The following EXOC4 variants were observed in gnomAD, a reference collection of about 807,000 sequenced individuals.
EXOC4 encodes SEC8-like 1.
A neutral mutation model predicts 107.2 loss-of-function variants in EXOC4; 71 were observed. The observed-to-expected ratio is 0.66, with a 90% CI of 0.55 to 0.81. EXOC4 has a LOEUF of 0.81. Among genes scored for constraint, EXOC4 ranks in the 30% least tolerant of loss-of-function variants. The probability of loss-of-function intolerance (pLI) is 0.00; values close to 1 mark genes in which losing one functional copy is unlikely to be tolerated. For synonymous variants in EXOC4, 456 were observed against 441.2 expected (o/e 1.03, Z -0.42); for missense variants, 1,108 against 1,189.6 (o/e 0.93, Z 1.01).
At chr7:133,944,835 G>T (rs764771113) in intron 14 of EXOC4, among the ~76,000 whole-genome samples, 3 of 151,922 alleles carry the variant, frequency 2.0e-5, no homozygotes, top group Non-Finnish European at 4.4e-5. Context: ...AGCTACTTTT[G>T]GGTTGCTACA....
chr7:133,331,349 T>A (rs1810742390), intron 5 of EXOC4, among the ~76,000 whole-genome samples: 1 of 151,890 alleles, frequency 6.6e-6, no homozygotes, highest in Non-Finnish European at 1.5e-5. Context: ...AACAAGCTAA[T>A]AGAGTAATAG....
intron 14 of EXOC4, among the ~76,000 whole-genome samples, chr7:133,963,126 ACTTCACCAGGTAGC>A (rs1330612445): frequency 6.6e-6 from 1 of 152,248 alleles, no homozygotes; most frequent in Non-Finnish European, 1.5e-5. Context: ...CTGTCCCCGC[ACTTCACCAGGTAGC>A]CCTTGCTAAT....
intron 7 of EXOC4, among the ~76,000 whole-genome samples, chr7:133,382,537 CTTG>C (rs935141283): frequency 5.9e-5 from 9 of 152,070 alleles, no homozygotes; most frequent in African/African-American, 1.2e-4. Flanking sequence ...TTTTCATGTA[CTTG>C]TTGGAGGAGT....
chr7:133,373,554 T>C (rs1446738957), intron 6 of EXOC4, among the ~76,000 whole-genome samples: 1 of 152,176 alleles, frequency 6.6e-6, no homozygotes, highest in Non-Finnish European at 1.5e-5. Flanking sequence ...AAAGAAGCCA[T>C]AGGAATAGAT....
At chr7:133,763,208 G>A (rs1333459387) in intron 10 of EXOC4, among the ~76,000 whole-genome samples, 1 of 152,038 alleles carries the variant, frequency 6.6e-6, no homozygotes, top group Non-Finnish European at 1.5e-5. Flanking sequence ...ACTCCCCCCT[G>A]CCACAGCCTC....
chr7:133,934,868 G>A (rs1800262220), intron 13 of EXOC4, among the ~76,000 whole-genome samples: 1 of 151,582 alleles, frequency 6.6e-6, no homozygotes, highest in African/African-American at 2.4e-5. Flanking sequence ...TCACGGAGGA[G>A]ACATTGTTTT....
chr7:133,401,174 C>CTTT (rs34379831), intron 7 of EXOC4, among the ~76,000 whole-genome samples: 6 of 143,160 alleles, frequency 4.2e-5, no homozygotes, highest in Non-Finnish European at 6.1e-5. Flanking sequence ...CCAGAGCCCA[C>CTTT]TTTTTTTTTT....
intron 10 of EXOC4, among the ~76,000 whole-genome samples, chr7:133,724,702 G>A (rs1795180216): frequency 6.6e-6 from 1 of 152,210 alleles, no homozygotes; most frequent in Non-Finnish European, 1.5e-5. Context: ...TTAAGAAAGG[G>A]ATCTCTGAAG....
At chr7:133,844,595 G>C (rs992592917) in intron 11 of EXOC4, among the ~76,000 whole-genome samples, 3 of 151,608 alleles carry the variant, frequency 2.0e-5, no homozygotes, top group Non-Finnish European at 4.4e-5. Flanking sequence ...TCACCGTGTT[G>C]GCCAGGATGG....
chr7:133,526,709 C>T (rs772440484), intron 9 of EXOC4, among the ~76,000 whole-genome samples: 3 of 152,204 alleles, frequency 2.0e-5, no homozygotes, highest in Non-Finnish European at 4.4e-5. Context: ...TAGTGGCTTT[C>T]GCCTATAGTC....
At chr7:133,403,796 T>C (rs1324812731) in intron 7 of EXOC4, among the ~76,000 whole-genome samples, 1 of 152,156 alleles carries the variant, frequency 6.6e-6, no homozygotes, top group East Asian at 1.9e-4. Flanking sequence ...CCAGGTATGA[T>C]GGTGCACACC....
At chr7:133,643,103 GA>G (rs1391668897) in intron 10 of EXOC4, among the ~76,000 whole-genome samples, 1 of 152,136 alleles carries the variant, frequency 6.6e-6, no homozygotes, top group East Asian at 1.9e-4. Flanking sequence ...ACTCAAAAGA[GA>G]ACACAGGTGT....
chr7:134,037,611 G>A (rs143436435), intron 17 of EXOC4, among the ~76,000 whole-genome samples: 8 of 152,220 alleles, frequency 5.3e-5, no homozygotes, highest in South Asian at 4.2e-4. Flanking sequence ...TTTGGTACCC[G>A]TGGCTTTATA....
At chr7:133,813,811 T>C (rs776519872) in intron 10 of EXOC4, among the ~76,000 whole-genome samples, 3 of 152,174 alleles carry the variant, frequency 2.0e-5, no homozygotes, top group Non-Finnish European at 4.4e-5. Flanking sequence ...GCTACTTTTT[T>C]CATTGTGATA....
intron 14 of EXOC4, among the ~76,000 whole-genome samples, chr7:133,948,066 G>A (rs1172623137): frequency 1.3e-5 from 2 of 152,186 alleles, no homozygotes; most frequent in East Asian, 3.9e-4. Flanking sequence ...ACAGCAGAGA[G>A]GAGGAGCGGC....
chr7:133,786,832 C>T (rs1796579021), intron 10 of EXOC4, among the ~76,000 whole-genome samples: 1 of 152,168 alleles, frequency 6.6e-6, no homozygotes, highest in African/African-American at 2.4e-5. Context: ...CCTAATCATC[C>T]AGGCAAACAA....
chr7:133,565,209 T>C (rs1800884177), intron 9 of EXOC4, among the ~76,000 whole-genome samples: 1 of 152,140 alleles, frequency 6.6e-6, no homozygotes, highest in African/African-American at 2.4e-5. Flanking sequence ...GTGGGCTCGA[T>C]AGGGAAGACC....
chr7:133,686,838 C>T (rs959934906), intron 10 of EXOC4, among the ~76,000 whole-genome samples: 3 of 152,054 alleles, frequency 2.0e-5, no homozygotes, highest in African/African-American at 7.2e-5. Flanking sequence ...ACCTTTTGAT[C>T]CAGCAATCCC....
intron 10 of EXOC4, among the ~76,000 whole-genome samples, chr7:133,785,728 A>G (rs1796555096): frequency 6.6e-6 from 1 of 151,170 alleles, no homozygotes; most frequent in Non-Finnish European, 1.5e-5. Flanking sequence ...GCTGGAGTGC[A>G]GTGGTGCTAT....
Sources: allele counts gnomAD v4.1 joint callset (sites outside exome capture counted in the v4.1 genomes callset), GRCh38; gene constraint gnomAD v4.1.1; transcripts MANE v1.5; gene names NCBI Gene and HGNC (gene_info 2026-07-23, HGNC 2026-07-21).